Variants in ADA2 observed in about 807,000 individuals in gnomAD.
The protein encoded by ADA2 is adenosine deaminase CECR1.
Under a neutral mutation model 44.2 loss-of-function variants are expected in ADA2, and 29 were observed. The observed-to-expected ratio is 0.66, with a 90% CI of 0.49 to 0.89. The LOEUF (loss-of-function observed/expected upper bound fraction) is 0.89, where lower values mean the gene tolerates loss of function less well. ADA2 is among the 40% of genes least tolerant of loss of function. The probability of loss-of-function intolerance (pLI) is 0.00; values close to 1 mark genes in which losing one functional copy is unlikely to be tolerated. For synonymous variants in ADA2, 215 were observed against 234.9 expected, an observed-to-expected ratio of 0.92 and a Z score of 0.77; for missense variants, 637 against 644.8, an observed-to-expected ratio of 0.99 and a Z score of 0.13.
intron 1 of ADA2, among the ~76,000 whole-genome samples, chr22:17,214,633 G>T (rs1300232352): frequency 6.6e-6 from 1 of 152,146 alleles, no homozygotes; most frequent in Non-Finnish European, 1.5e-5. Context: ...GCCTATGCTG[G>T]TCCTGCAGGC....
chr22:17,181,218 G>T lies in ADA2; in HGVS notation c.*265C>A. On this transcript the variant is annotated 3_prime_UTR_variant, in exon 10 of 10. Transcript: ENST00000399837. ...CTGAGTCCTGAGGAAACAGCACAGA[G>T]ATCAGAGAGAGGAGAAGACTCTGAA... 1 of 426,260 alleles carries T rather than the reference G, an allele frequency of 2.3e-6. No individual in the cohort carries two copies. The highest frequency in any genetic ancestry group is 2.6e-5 in the South Asian group (1 of 39,096). 26.4% of individuals were successfully genotyped at this position (426,260 alleles called of 1,614,324 possible). A position where few individuals can be genotyped will look rare whatever the true frequency, so the allele number is the denominator to read the frequency against.
At chr22:17,182,237 G>T (rs3764848) in intron 8 of ADA2, among the ~76,000 whole-genome samples, 83,946 of 151,776 alleles carry the variant, frequency 0.55, 24,365 homozygotes, top group African/African-American at 0.7. Flanking sequence ...TGCAAACATC[G>T]GGTCACTTCT....
At chr22:17,181,705 GA>G in intron 9 of ADA2, 114 bp downstream of exon 9, 1 of 1,086,854 alleles carries the variant, frequency 9.2e-7, no homozygotes, top group Non-Finnish European at 1.4e-6. Context: ...AAACAGCCAT[GA>G]TGAGAAGGAA....
rs1135914 is a variant in ADA2, at chr22:17,179,413, A to T, written c.*2070T>A. The T allele has an allele frequency of 0.34, 52,343 of 152,112 alleles. 9,215 individuals carry two copies. The highest frequency in any genetic ancestry group is 0.37 in the Non-Finnish European group (25,020 of 67,998). 9.4% of individuals were successfully genotyped at this position (152,112 alleles called of 1,614,324 possible). ...TCATGAGCGCCTGCCCACATGGGGCATACAGTCTGGCAGGGCAAGACTGTA... is the reference window on the plus strand; with the variant it reads ...TCATGAGCGCCTGCCCACATGGGGCTTACAGTCTGGCAGGGCAAGACTGTA... On this transcript the variant is annotated 3_prime_UTR_variant, in exon 10 of 10. Coordinates refer to ENST00000399837, the MANE Select transcript of ADA2 (RefSeq NM_001282225.2).
chr22:17,183,736 A>G (rs1392773405), intron 7 of ADA2, among the ~76,000 whole-genome samples: 1 of 152,000 alleles, frequency 6.6e-6, no homozygotes, highest in Non-Finnish European at 1.5e-5. Flanking sequence ...TGCTGTGATT[A>G]TAGGCATGAG....
chr22:17,199,429 C>CCACTATA, intron 4 of ADA2: 1 of 1,006,826 alleles, frequency 9.9e-7, no homozygotes, highest in Non-Finnish European at 1.6e-6. Context: ...TCCCTCCCCT[C>CCACTATA]CTCTATCCTC....
chr22:17,186,738 G>A (rs1037232344), intron 7 of ADA2, among the ~76,000 whole-genome samples: 1 of 151,868 alleles, frequency 6.6e-6, no homozygotes, highest in African/African-American at 2.4e-5. Context: ...GCATGGTGGT[G>A]CATGCCCGTA....
chr22:17,203,112 C>A (rs1351841976), intron 4 of ADA2, among the ~76,000 whole-genome samples: 1 of 152,258 alleles, frequency 6.6e-6, no homozygotes, highest in African/African-American at 2.4e-5. Flanking sequence ...TGGGGTTTCT[C>A]TTCTCAGCAT....
intron 1 of ADA2, among the ~76,000 whole-genome samples, chr22:17,216,179 T>C (rs2062469570): frequency 6.6e-6 from 1 of 151,504 alleles, no homozygotes; most frequent in Non-Finnish European, 1.5e-5. Context: ...AAGCAAGACT[T>C]CATCTCAAAA....
At position 17,206,819 on chromosome 22, in the gene ADA2, G is replaced by A. The variant is rs566666675; in HGVS notation, c.542+252C>T. On this transcript the variant is annotated intron_variant, in intron 3 of 9. Coordinates refer to ENST00000399837, the MANE Select transcript of ADA2 (RefSeq NM_001282225.2). ...GACTACAGGTGCAGCACCACACCTG[G>A]CTAATTTTTTGTATTTTTGGTAGAG... Among the ~76,000 whole-genome samples, 5 of 152,230 alleles carry A rather than the reference G, an allele frequency of 3.3e-5. No individual in the cohort carries two copies. The East Asian group carries it at 9.7e-4, about 29-fold the overall frequency.
rs1190709722 is a variant in ADA2, at chr22:17,187,886, T to C, written c.1081+453A>G. 5.9e-5 allele frequency among the ~76,000 whole-genome samples: 9 copies of C among 151,556 alleles called. No homozygotes were observed. The East Asian group carries it at 7.8e-4, about 13-fold the overall frequency. Reference sequence around the variant, plus strand: ...TTGGGAGGCCGAGGAGGGCAGATCATGAGGTCAGGAGATCAAGACCATCCT... The same window carrying C: ...TTGGGAGGCCGAGGAGGGCAGATCACGAGGTCAGGAGATCAAGACCATCCT... On this transcript the variant is annotated intron_variant, in intron 7 of 9. Transcript: ENST00000399837.
At chr22:17,217,744 G>C (rs771728630) in intron 1 of ADA2, among the ~76,000 whole-genome samples, 1 of 152,108 alleles carries the variant, frequency 6.6e-6, no homozygotes, top group Non-Finnish European at 1.5e-5. Flanking sequence ...GGAGGCGGAG[G>C]TTTCAGTGAG....
At chr22:17,195,522 C>A (rs1297636854) in intron 4 of ADA2, among the ~76,000 whole-genome samples, 1 of 124,662 alleles carries the variant, frequency 8.0e-6, no homozygotes, top group African/African-American at 3.1e-5. Flanking sequence ...GAGCAAGACT[C>A]CGTCTCAAAA....
chr22:17,218,090 C>T (rs1181087618), intron 1 of ADA2, among the ~76,000 whole-genome samples: 1 of 152,106 alleles, frequency 6.6e-6, no homozygotes, highest in African/African-American at 2.4e-5. Flanking sequence ...TCTTAGGTGG[C>T]TCACAAATGG....
chr22:17,193,200 C>T (rs373107727), intron 4 of ADA2: 9 of 1,248,048 alleles, frequency 7.2e-6, no homozygotes, highest in East Asian at 2.4e-5. Context: ...GTGCTGACAT[C>T]GCTCACAACG....
chr22:17,200,597 A>G (rs2062267926), intron 4 of ADA2, among the ~76,000 whole-genome samples: 1 of 152,170 alleles, frequency 6.6e-6, no homozygotes, highest in Admixed American at 6.5e-5. Context: ...AAGGGTATTA[A>G]CATATCTAAG....
At chr22:17,199,431 T>TCTATCCTCTTACCCTCCCTCCCCACCA in intron 4 of ADA2, 1 of 930,074 alleles carries the variant, frequency 1.1e-6, no homozygotes. Context: ...CCTCCCCTCC[T>TCTATCCTCTTACCCTCCCTCCCCACCA]CTATCCTCTT....
At chr22:17,182,856 T>C (rs1346030492) in intron 7 of ADA2, 95 bp from the exon 8 acceptor site, 4 of 1,279,902 alleles carry the variant, frequency 3.1e-6, no homozygotes, top group Non-Finnish European at 4.3e-6. Context: ...CCGACCATCC[T>C]CAAATAAACA....
chr22:17,214,354 G>T (rs969881146), intron 1 of ADA2, among the ~76,000 whole-genome samples: 2 of 152,202 alleles, frequency 1.3e-5, no homozygotes, highest in African/African-American at 4.8e-5. Context: ...ACTCAGTTTA[G>T]GTTTCTTGGC....
Sources: allele counts gnomAD v4.1 joint callset (sites outside exome capture counted in the v4.1 genomes callset), GRCh38; gene constraint gnomAD v4.1.1; transcripts MANE v1.5; gene names NCBI Gene and HGNC (gene_info 2026-07-23, HGNC 2026-07-21).